LRRIQ1: variants seen among roughly 807,000 people sequenced by gnomAD.
The protein encoded by LRRIQ1 is leucine-rich repeat- and IQ domain-containing protein 1.
In LRRIQ1, 210 loss-of-function variants were observed where a neutral mutation model predicts 211.9. The observed-to-expected ratio is 0.99, with a 90% CI of 0.89 to 1.11. The LOEUF (loss-of-function observed/expected upper bound fraction) is 1.11, where lower values mean the gene tolerates loss of function less well. Ranked by LOEUF, LRRIQ1 falls within the 50% of genes most tolerant of loss-of-function variation. The probability of loss-of-function intolerance (pLI) is 0.00; values close to 1 mark genes in which losing one functional copy is unlikely to be tolerated. For synonymous variants in LRRIQ1, 699 were observed against 650.1 expected (o/e 1.08, Z -1.14); for missense variants, 2,136 against 1,939.5 (o/e 1.10, Z -1.90).
chr12:85,266,903 G>A (rs1269440430), downstream of LRRIQ1, among the ~76,000 whole-genome samples: 2 of 152,000 alleles, frequency 1.3e-5, no homozygotes, highest in Admixed American at 6.6e-5. Context: ...TACATTTCAT[G>A]GTTATATTTG....
chr12:85,149,737 T>TG (rs1890113920), intron 19 of LRRIQ1, among the ~76,000 whole-genome samples: 1 of 91,286 alleles, frequency 1.1e-5, no homozygotes, highest in African/African-American at 9.8e-5. Context: ...TAACATATTT[T>TG]TGTTGCGATT....
At chr12:85,068,127 A>C (rs1882643585) in intron 10 of LRRIQ1, among the ~76,000 whole-genome samples, 1 of 151,964 alleles carries the variant, frequency 6.6e-6, no homozygotes, top group African/African-American at 2.4e-5. Flanking sequence ...AATAATGGTT[A>C]ATGAACAATC....
chr12:85,122,637 T>G (rs1365978653), intron 16 of LRRIQ1, among the ~76,000 whole-genome samples: 1 of 152,038 alleles, frequency 6.6e-6, no homozygotes, highest in Non-Finnish European at 1.5e-5. Flanking sequence ...ATTCTTAAGG[T>G]TTTGCTATTG....
chr12:85,095,628 G>A (rs1323713879), intron 11 of LRRIQ1, among the ~76,000 whole-genome samples: 3 of 151,966 alleles, frequency 2.0e-5, no homozygotes, highest in African/African-American at 7.2e-5. Context: ...GAGTGATGCT[G>A]GCTTCATAAA....
chr12:85,080,381 A>G (rs1884153453), intron 11 of LRRIQ1, among the ~76,000 whole-genome samples: 1 of 151,772 alleles, frequency 6.6e-6, no homozygotes, highest in Non-Finnish European at 1.5e-5. Context: ...GTTAACAGAT[A>G]TAATTATTAT....
downstream of LRRIQ1, among the ~76,000 whole-genome samples, chr12:85,245,428 CTT>C (rs1056395203): frequency 6.0e-5 from 9 of 150,614 alleles, no homozygotes; most frequent in African/African-American, 2.2e-4. Context: ...AATGATGACT[CTT>C]AATTCATAAA....
chr12:85,107,868 T>C (rs1886892836), intron 15 of LRRIQ1, among the ~76,000 whole-genome samples: 1 of 152,208 alleles, frequency 6.6e-6, no homozygotes, highest in Non-Finnish European at 1.5e-5. Flanking sequence ...TTCCTCTATA[T>C]AAATTTGTGT....
intron 24 of LRRIQ1, among the ~76,000 whole-genome samples, chr12:85,196,791 C>T (rs1284719804): frequency 1.3e-5 from 2 of 151,738 alleles, no homozygotes; most frequent in African/African-American, 4.8e-5. Flanking sequence ...TCCAAAACAC[C>T]AAAAGCAATG....
At chr12:85,118,994 C>T (rs929157373) in intron 15 of LRRIQ1, among the ~76,000 whole-genome samples, 1 of 152,098 alleles carries the variant, frequency 6.6e-6, no homozygotes, top group Non-Finnish European at 1.5e-5. Context: ...ATATTTGTCA[C>T]CATCAATGAG....
At chr12:85,095,737 A>G (rs1885811589) in intron 11 of LRRIQ1, among the ~76,000 whole-genome samples, 1 of 152,110 alleles carries the variant, frequency 6.6e-6, no homozygotes, top group African/African-American at 2.4e-5. Context: ...CTGGTACTGT[A>G]TAATTCAGCT....
At chr12:85,115,537 A>C (rs948423337) in intron 15 of LRRIQ1, among the ~76,000 whole-genome samples, 1 of 152,208 alleles carries the variant, frequency 6.6e-6, no homozygotes, top group Non-Finnish European at 1.5e-5. Flanking sequence ...AAAGGTGATA[A>C]ACATAACATC....
chr12:85,117,430 C>T (rs758525154), intron 15 of LRRIQ1, among the ~76,000 whole-genome samples: 2 of 152,180 alleles, frequency 1.3e-5, no homozygotes, highest in East Asian at 3.8e-4. Context: ...AAATCTGCTT[C>T]ATATAACTCC....
intron 15 of LRRIQ1, among the ~76,000 whole-genome samples, chr12:85,108,336 C>T (rs1253973591): frequency 6.6e-6 from 1 of 152,116 alleles, no homozygotes; most frequent in Non-Finnish European, 1.5e-5. Flanking sequence ...CATATAGAGA[C>T]AGGCTGGTCT....
At chr12:85,091,945 G>A (rs4761114) in intron 11 of LRRIQ1, among the ~76,000 whole-genome samples, 33,353 of 152,040 alleles carry the variant, frequency 0.22, 4,329 homozygotes, top group Admixed American at 0.31. Context: ...GTGAATCTTT[G>A]TCTGTATTTA....
intron 24 of LRRIQ1, among the ~76,000 whole-genome samples, chr12:85,167,383 C>A (rs1891203490): frequency 6.6e-6 from 1 of 152,140 alleles, no homozygotes; most frequent in African/African-American, 2.4e-5. Flanking sequence ...GCAAGGAAGC[C>A]AGCCCGAGTC....
intron 24 of LRRIQ1, among the ~76,000 whole-genome samples, chr12:85,193,905 A>G: frequency 6.6e-6 from 1 of 150,538 alleles, no homozygotes; most frequent in South Asian, 2.1e-4. Context: ...AAGATCCATC[A>G]GTGTGCTGTA....
At chr12:85,224,825 G>A (rs948829135) in intron 24 of LRRIQ1, among the ~76,000 whole-genome samples, 23 of 151,948 alleles carry the variant, frequency 1.5e-4, no homozygotes, top group Admixed American at 3.9e-4. Context: ...CATGGCACGT[G>A]TATAGTTATA....
chr12:85,244,419 C>A (rs1230872262), intron 26 of LRRIQ1, among the ~76,000 whole-genome samples: 5 of 151,338 alleles, frequency 3.3e-5, no homozygotes, highest in South Asian at 2.1e-4. Flanking sequence ...CAAAAAATAA[C>A]CCCATATGAC....
At chr12:85,191,995 T>C (rs1197971221) in intron 24 of LRRIQ1, among the ~76,000 whole-genome samples, 4 of 151,948 alleles carry the variant, frequency 2.6e-5, no homozygotes, top group Non-Finnish European at 5.9e-5. Context: ...GTTAAAAATT[T>C]GTTTTAAGTA....
Sources: gnomAD v4.1 joint callset for allele counts (sites outside exome capture counted in the v4.1 genomes callset) on GRCh38, gnomAD v4.1.1 for gene constraint, MANE v1.5 for transcripts, NCBI Gene and HGNC (gene_info 2026-07-23, HGNC 2026-07-21) for gene names.